PLEKHH2: variants seen among roughly 807,000 people sequenced by gnomAD.
PLEKHH2 encodes the protein pleckstrin homology domain-containing family H member 2.
In PLEKHH2, 129 loss-of-function variants were observed where a neutral mutation model predicts 187.9. The observed-to-expected ratio is 0.69, with a 90% CI of 0.59 to 0.79. PLEKHH2 has a LOEUF of 0.79. PLEKHH2 is among the 30% of genes least tolerant of loss of function. PLEKHH2 has a pLI of 0.00. For missense variants in PLEKHH2, 2,076 were observed against 1,751.2 expected (o/e 1.19, Z -3.31); for synonymous variants, 686 against 605.6 (o/e 1.13, Z -1.95).
At chr2:43,701,624 A>C (rs1669370257) in intron 8 of PLEKHH2, among the ~76,000 whole-genome samples, 1 of 152,060 alleles carries the variant, frequency 6.6e-6, no homozygotes, top group African/African-American at 2.4e-5. Flanking sequence ...ATTGGTTTCC[A>C]AAGTATCTTT....
rs1289890444 is a variant in PLEKHH2 at position 43,699,879 on chromosome 2, C to T, written c.921C>T (p.Ser307=). Residue 307 remains serine (S), a synonymous_variant, in exon 8 of 30, where the codon TCC becomes TCT. Transcript: ENST00000282406. Reference sequence around the variant, plus strand: ...AGTCCAGATGCACATCCACCCTCTCCAGTCACACATCTGAGGAAGGGGTCC... The same window carrying T: ...AGTCCAGATGCACATCCACCCTCTCTAGTCACACATCTGAGGAAGGGGTCC... The part of the protein sequence containing the change: ...RSKSRCTSTL[S]SHTSEEGVQC... 2.5e-6 allele frequency: 4 copies of T among 1,614,102 alleles called. No individual in the cohort carries two copies. The highest frequency in any genetic ancestry group is 3.4e-6 in the Non-Finnish European group (4 of 1,179,986).
rs1669265975 is a variant in PLEKHH2, at chr2:43,699,837, G to A, written c.879G>A (p.Gly293=). 1.2e-6 allele frequency: 2 copies of A among 1,612,056 alleles called. No individual in the cohort carries two copies. Among genetic ancestry groups the A allele is most frequent in the Non-Finnish European group, 1.7e-6 (2 of 1,178,158 alleles). Reference sequence around the variant, plus strand: ...ACTGGAGCTCTGATGAGGAAGACGGGAGCAAAGGAAGATCCAAGTCCAGAT... The same window carrying A: ...ACTGGAGCTCTGATGAGGAAGACGGAAGCAAAGGAAGATCCAAGTCCAGAT... ...VSDWSSDEED[G]SKGRSKSRCT... The change falls in exon 8 of 30, where the codon GGG becomes GGA. Residue 293 remains glycine, a synonymous_variant. Coordinates refer to ENST00000282406, the MANE Select transcript of PLEKHH2 (RefSeq NM_172069.4).
At chr2:43,758,131 A>G (rs1672288057) in intron 26 of PLEKHH2, among the ~76,000 whole-genome samples, 1 of 152,218 alleles carries the variant, frequency 6.6e-6, no homozygotes, top group African/African-American at 2.4e-5. Context: ...GTCTATGTAG[A>G]ATAAGTGCTT....
chr2:43,698,719 A>C lies in PLEKHH2; in HGVS notation c.689-928A>C, dbSNP rs79356825. The stretch of plus-strand genomic sequence containing the variant: ...TATTTGTTCAGCCTCTAGTTCCTTA[A>C]TTATGAAGGTCCTGTCTATGTTTTC... On this transcript the variant is annotated intron_variant, in intron 7 of 29. Coordinates refer to ENST00000282406, the MANE Select transcript of PLEKHH2 (RefSeq NM_172069.4). Among the ~76,000 whole-genome samples, 491 of 152,272 alleles carry C rather than the reference A, an allele frequency of 3.2e-3. 3 individuals carry two copies. The highest frequency in any genetic ancestry group is 0.011 in the African/African-American group (477 of 41,562).
rs70965316 is a variant in PLEKHH2, at chr2:43,693,723, C to CAAAAAAAAAAAAAAAA, written c.337-706_337-691dup. 1.0e-3 allele frequency among the ~76,000 whole-genome samples: 72 copies of CAAAAAAAAAAAAAAAA among 69,648 alleles called. 4 individuals are homozygous for CAAAAAAAAAAAAAAAA. Among genetic ancestry groups the CAAAAAAAAAAAAAAAA allele is most frequent in the African/African-American group, 4.4e-3 (66 of 15,076 alleles). 45.7% of individuals were successfully genotyped at this position (69,648 alleles called of 152,430 possible). On this transcript the variant is annotated intron_variant, in intron 4 of 29. Transcript: ENST00000282406. ...TGGGCGACTGAGCGAGACTCCATCT[C>CAAAAAAAAAAAAAAAA]AAAAAAAAAAAAAAAAAGGAAAAAA... is the stretch of plus-strand genomic sequence containing the variant.
At chr2:43,749,389 A>C (rs535405383) in intron 24 of PLEKHH2, among the ~76,000 whole-genome samples, 76 of 152,288 alleles carry the variant, frequency 5.0e-4, no homozygotes, top group African/African-American at 1.8e-3. Flanking sequence ...ATTTGATTGA[A>C]GTCTCAGCCT....
Position 43,743,846 on chromosome 2 carries a change from G to C in PLEKHH2, c.3412G>C (p.Asp1138His). The C allele has an allele frequency of 6.2e-7, 1 of 1,613,080 alleles. No homozygotes were observed. Among genetic ancestry groups the C allele is most frequent in the Non-Finnish European group, 8.5e-7 (1 of 1,179,274 alleles). The change falls in exon 23 of 30, where the codon GAC (aspartate) becomes CAC (histidine). Residue 1138 changes from aspartate (D) to histidine (H), a missense_variant. By Grantham distance (81) the Asp-to-His change is moderately conservative. Transcript: ENST00000282406. ...TATTTCTGTCTAGGTAGTTGGTTTT[G>C]ACGCATCTACCACAGTGGAAGAATT... Reference protein sequence around the residue: ...MNGIYQVVGFDASTTVEEFLN... With the variant: ...MNGIYQVVGFHASTTVEEFLN...
At chr2:43,751,820 C>T (rs1672022097) in intron 24 of PLEKHH2, among the ~76,000 whole-genome samples, 2 of 150,340 alleles carry the variant, frequency 1.3e-5, no homozygotes, top group African/African-American at 4.9e-5. Context: ...CATTTTTGTT[C>T]CTCTTCAAAT....
chr2:43,746,108 G>A, intron 24 of PLEKHH2, 145 bp downstream of exon 24: 1 of 493,494 alleles, frequency 2.0e-6, no homozygotes, highest in South Asian at 6.3e-5. Flanking sequence ...TGTTTCTATA[G>A]GAAAAAAACC....
rs149493259 is a variant in PLEKHH2, at chr2:43,721,153, G to A, written c.2541+404G>A. On this transcript the variant is annotated intron_variant, in intron 16 of 29. Coordinates refer to ENST00000282406, the MANE Select transcript of PLEKHH2 (RefSeq NM_172069.4). ...CCAAGCCCTCAAATTCCCGAATACC[G>A]CTTATCTACCCATCCATCTGCCTGT... 1.7e-3 allele frequency among the ~76,000 whole-genome samples: 256 copies of A among 152,184 alleles called. 2 individuals are homozygous for A. Among genetic ancestry groups the A allele is most frequent in the African/African-American group, 5.8e-3 (239 of 41,524 alleles).
chr2:43,646,526 A>G (rs1204663117), intron 2 of PLEKHH2, among the ~76,000 whole-genome samples: 3 of 152,176 alleles, frequency 2.0e-5, no homozygotes, highest in Non-Finnish European at 4.4e-5. Flanking sequence ...AATAGAAGAT[A>G]TTAGCTTATT....
intron 6 of PLEKHH2, 33 bp from the exon 7 acceptor site, chr2:43,697,138 T>A (rs758436361): frequency 1.2e-5 from 18 of 1,505,150 alleles, no homozygotes; most frequent in Admixed American, 6.5e-5. Flanking sequence ...CTATAAAAAA[T>A]TCAAATCTTA....
chr2:43,715,422 A>G lies in PLEKHH2; in HGVS notation c.2460+3039A>G, dbSNP rs140555842. ...GACTTTGGTCTTTATCCTGAAGGAT[A>G]TTTGAAACCCTGCAGGGTTTGTAAC... On this transcript the variant is annotated intron_variant, in intron 15 of 29. Transcript: ENST00000282406. 2.9e-3 allele frequency among the ~76,000 whole-genome samples: 439 copies of G among 152,280 alleles called. 4 individuals carry two copies. Among genetic ancestry groups the G allele is most frequent in the Middle Eastern group, 0.01 (3 of 294 alleles).
chr2:43,757,422 C>CTTT (rs564542581), intron 26 of PLEKHH2, among the ~76,000 whole-genome samples, 158 bp downstream of exon 26: 4 of 139,418 alleles, frequency 2.9e-5, no homozygotes, highest in Admixed American at 7.2e-5. Flanking sequence ...TTTTTTCTTT[C>CTTT]TTTTTTTTTT....
intron 3 of PLEKHH2, among the ~76,000 whole-genome samples, chr2:43,683,240 C>T (rs188445144): frequency 0.013 from 1,991 of 149,362 alleles, 23 homozygotes; most frequent in Non-Finnish European, 0.02. Context: ...CCGCCTCCCA[C>T]GTTCAAGCCA....
chr2:43,692,784 C>G, intron 4 of PLEKHH2, 121 bp downstream of exon 4: 3 of 1,084,036 alleles, frequency 2.8e-6, no homozygotes, highest in South Asian at 3.0e-5. Flanking sequence ...ATTCGGTCAA[C>G]CCATAGGATT....
intron 19 of PLEKHH2, among the ~76,000 whole-genome samples, chr2:43,732,361 C>T (rs779061558): frequency 1.3e-5 from 2 of 151,162 alleles, no homozygotes; most frequent in African/African-American, 2.4e-5. Context: ...GAAAATAAGT[C>T]TCAAAAAAAA....
chr2:43,701,660 T>G (rs1457092305), intron 8 of PLEKHH2, among the ~76,000 whole-genome samples: 1 of 151,742 alleles, frequency 6.6e-6, no homozygotes, highest in Non-Finnish European at 1.5e-5. Context: ...AGATAAAATC[T>G]TCTTCCATTG....
intron 2 of PLEKHH2, chr2:43,675,879 G>C: frequency 6.2e-7 from 1 of 1,614,114 alleles, no homozygotes; most frequent in Non-Finnish European, 8.5e-7. Context: ...AATTTTCAAT[G>C]ACAGCAAACG....
Sources: allele counts gnomAD v4.1 joint callset (sites outside exome capture counted in the v4.1 genomes callset), GRCh38; gene constraint gnomAD v4.1.1; transcripts MANE v1.5; gene names NCBI Gene and HGNC (gene_info 2026-07-23, HGNC 2026-07-21).